Variants in POLQ observed in about 807,000 individuals in gnomAD.
POLQ encodes DNA polymerase theta.
In POLQ, 233 loss-of-function variants were observed where a neutral mutation model predicts 259.2. That is an observed-to-expected ratio of 0.90 (90% CI 0.81 to 1.00). The LOEUF is 1.00. Among genes scored for constraint, POLQ ranks in the 50% least tolerant of loss-of-function variants. The pLI, the probability that POLQ is intolerant of heterozygous loss-of-function variation, is 0.00. For synonymous variants in POLQ, 1,025 were observed against 1,048.8 expected (o/e 0.98, Z 0.44); for missense variants, 2,871 against 3,051.6 (o/e 0.94, Z 1.39).
chr3:121,496,632 T>C (rs41548518), intron 14 of POLQ, among the ~76,000 whole-genome samples, 176 bp downstream of exon 14: 16,797 of 152,176 alleles, frequency 0.11, 1,125 homozygotes, highest in East Asian at 0.15. Flanking sequence ...CTCTGTAACA[T>C]GGTACTGAGC....
At chr3:121,433,278 T>C (rs904533309) in intron 28 of POLQ, among the ~76,000 whole-genome samples, 3 of 152,180 alleles carry the variant, frequency 2.0e-5, no homozygotes, top group African/African-American at 7.2e-5. Flanking sequence ...TGTGAGGAAC[T>C]CTGCTCCAAG....
Position 121,455,850 on chromosome 3 carries a change from T to C in POLQ, c.7152+4200A>G, listed in dbSNP as rs540749534. Among the ~76,000 whole-genome samples the C allele has an allele frequency of 6.6e-4, 100 of 152,142 alleles. 1 individual carries two copies. Among genetic ancestry groups the C allele is most frequent in the African/African-American group, 2.0e-3 (85 of 41,504 alleles). ...TTCCTTCTGAAGCTATTCCAATCAA[T>C]AGAAAAAGAGGAAATCCTCCCTAAC... On this transcript the variant is annotated intron_variant, in intron 25 of 29. Coordinates refer to ENST00000264233, the MANE Select transcript of POLQ (RefSeq NM_199420.4).
chr3:121,507,597 T>C (rs191621910), intron 12 of POLQ, among the ~76,000 whole-genome samples: 1 of 151,996 alleles, frequency 6.6e-6, no homozygotes, highest in African/African-American at 2.4e-5. Context: ...TGTGGTGGCA[T>C]GCACCTGTAG....
At chr3:121,508,161 A>G (rs1409781775) in intron 12 of POLQ, among the ~76,000 whole-genome samples, 1 of 152,062 alleles carries the variant, frequency 6.6e-6, no homozygotes, top group Non-Finnish European at 1.5e-5. Flanking sequence ...TGGGAACACA[A>G]CTAACTCTTG....
At chr3:121,468,663 C>G (rs552990998) in intron 22 of POLQ, among the ~76,000 whole-genome samples, 1 of 152,258 alleles carries the variant, frequency 6.6e-6, no homozygotes, top group African/African-American at 2.4e-5. Flanking sequence ...ATGTTTTACA[C>G]AGAAAACCAT....
At chr3:121,455,755 CAA>C (rs1174886821) in intron 25 of POLQ, among the ~76,000 whole-genome samples, 2 of 152,044 alleles carry the variant, frequency 1.3e-5, no homozygotes, top group African/African-American at 4.8e-5. Context: ...GCTTACCAAC[CAA>C]AAAGAGTCCA....
At chr3:121,513,069 T>C (rs2048266443) in intron 9 of POLQ, among the ~76,000 whole-genome samples, 1 of 152,042 alleles carries the variant, frequency 6.6e-6, no homozygotes, top group African/African-American at 2.4e-5. Flanking sequence ...CAAAAATGAA[T>C]CCAATACTGT....
At chr3:121,522,926 T>C (rs1206727223) in intron 7 of POLQ, among the ~76,000 whole-genome samples, 1 of 152,230 alleles carries the variant, frequency 6.6e-6, no homozygotes, top group Non-Finnish European at 1.5e-5. Context: ...CGAAAAAGCC[T>C]ACTCCTCTGT....
chr3:121,519,454 T>C (rs1183101570), intron 9 of POLQ, among the ~76,000 whole-genome samples: 1 of 147,878 alleles, frequency 6.8e-6, no homozygotes, highest in Non-Finnish European at 1.5e-5. Context: ...GGCAGGCGGA[T>C]CACGAGGCCA....
rs2048022126 is a variant in POLQ, at chr3:121,487,524, TTG to T, written c.5405_5406del (p.Thr1802LysfsTer27). 6.2e-7 allele frequency: 1 copy of T among 1,613,964 alleles called. No individual in the cohort carries two copies. Among genetic ancestry groups the T allele is most frequent in the Non-Finnish European group, 8.5e-7 (1 of 1,179,956 alleles). On this transcript the variant is annotated frameshift_variant, in exon 16 of 30. Transcript: ENST00000264233. LOFTEE classifies it high-confidence loss of function. Reference sequence around the variant, plus strand: ...TCCTGTGATAACTGAAGTGAAAAGCTTGTGTCACTAATAGGGCTGTTGTCTTT... The same window carrying T: ...TCCTGTGATAACTGAAGTGAAAAGCTTGTCACTAATAGGGCTGTTGTCTTT... Reference protein sequence around the residue: ...GFKDNSPISDTSFSLQLSQDG... With the variant: ...GFKDNSPISDXSFSLQLSQDG...
chr3:121,449,416 C>G lies in POLQ; in HGVS notation c.7163G>C (p.Gly2388Ala). 1.9e-6 allele frequency: 3 copies of G among 1,568,216 alleles called. No individual in the cohort carries two copies. The highest frequency in any genetic ancestry group is 2.2e-5 in the East Asian group (1 of 44,630). Residue 2388 changes from glycine to alanine, a missense_variant, in exon 26 of 30, where the codon GGG (glycine) becomes GCG (alanine). Around this residue, in one of 3 missense-constraint regions of POLQ, gnomAD observed 2,080 missense variants for 2,126.0 expected, o/e 0.98. Coordinates refer to ENST00000264233, the MANE Select transcript of POLQ (RefSeq NM_199420.4). ...LRQQAKQICY[G>A]IIYGMGAKSL... is the part of the protein sequence containing the mutation. Reference sequence around the variant, plus strand: ...TTTAGCTCCCATTCCATAAATGATCCCATAGCAAATCTGAAAGGGAGTCAT... The same window carrying G: ...TTTAGCTCCCATTCCATAAATGATCGCATAGCAAATCTGAAAGGGAGTCAT...
intron 9 of POLQ, among the ~76,000 whole-genome samples, chr3:121,516,736 A>G (rs2048300254): frequency 1.3e-5 from 2 of 152,230 alleles, no homozygotes; most frequent in Admixed American, 1.3e-4. Context: ...CCAGGAATAT[A>G]AAATGCACAG....
intron 28 of POLQ, among the ~76,000 whole-genome samples, chr3:121,435,461 T>G (rs1304464670): frequency 1.3e-5 from 2 of 152,218 alleles, no homozygotes; most frequent in African/African-American, 2.4e-5. Flanking sequence ...TAAAGTATGG[T>G]CTGAAGACCA....
At chr3:121,513,002 AACAAAT>A (rs2048266013) in intron 9 of POLQ, among the ~76,000 whole-genome samples, 1 of 152,256 alleles carries the variant, frequency 6.6e-6, no homozygotes, top group African/African-American at 2.4e-5. Context: ...ATACAATTTG[AACAAAT>A]ACAAACTATT....
chr3:121,477,227 T>A (rs1210929757), intron 19 of POLQ, among the ~76,000 whole-genome samples: 4 of 152,182 alleles, frequency 2.6e-5, no homozygotes, highest in Non-Finnish European at 4.4e-5. Context: ...CCTTGCCCCA[T>A]TCAGCTTCAA....
chr3:121,530,363 G>T (rs1233130773), intron 6 of POLQ, among the ~76,000 whole-genome samples: 1 of 152,102 alleles, frequency 6.6e-6, no homozygotes, highest in Non-Finnish European at 1.5e-5. Context: ...AACATTTAAG[G>T]TAGGCTAGGC....
intron 26 of POLQ, among the ~76,000 whole-genome samples, chr3:121,445,078 A>T (rs1330236706): frequency 6.6e-6 from 1 of 151,930 alleles, no homozygotes; most frequent in Non-Finnish European, 1.5e-5. Context: ...GTTTGTTTCG[A>T]TATGTCTTTG....
Position 121,496,923 on chromosome 3 carries a change from G to C in POLQ, c.2163C>G (p.Thr721=), listed in dbSNP as rs138695432. The C allele has an allele frequency of 6.2e-7, 1 of 1,611,520 alleles. No homozygotes were observed. Among genetic ancestry groups the C allele is most frequent in the South Asian group, 1.1e-5 (1 of 90,194 alleles). Residue 721 remains threonine, a synonymous_variant, in exon 14 of 30, where the codon ACC becomes ACG. Coordinates refer to ENST00000264233, the MANE Select transcript of POLQ (RefSeq NM_199420.4). ...RQMAIHKRFF[T]SLVLLDLISE... is the part of the protein sequence containing the mutation. ...TGATTAAATCTAATAGCACAAGACT[G>C]GTGAAAAACCTGGGAATAAATCATC...
intron 25 of POLQ, among the ~76,000 whole-genome samples, chr3:121,452,114 C>T (rs569924726): frequency 6.6e-6 from 1 of 152,156 alleles, no homozygotes; most frequent in East Asian, 1.9e-4. Context: ...TGTTGATGTG[C>T]CCTTTGCTAA....
Sources: gnomAD v4.1 joint callset for allele counts (sites outside exome capture counted in the v4.1 genomes callset) on GRCh38, gnomAD v4.1.1 for gene constraint, gnomAD v4.1.1 regional missense constraint, MANE v1.5 for transcripts, NCBI Gene and HGNC (gene_info 2026-07-23, HGNC 2026-07-21) for gene names.